Variants in EXOC1 observed in about 807,000 individuals in gnomAD.
EXOC1 encodes the protein SEC3-like 1.
A neutral mutation model predicts 107.7 loss-of-function variants in EXOC1; 67 were observed. The observed-to-expected ratio is 0.62, with a 90% CI of 0.51 to 0.76. The LOEUF is 0.76. Among genes scored for constraint, EXOC1 ranks in the 30% least tolerant of loss-of-function variants. The pLI is 0.00. For missense variants in EXOC1, 833 were observed against 1,055.7 expected, an observed-to-expected ratio of 0.79 and a Z score of 2.92; for synonymous variants, 348 against 353.5, an observed-to-expected ratio of 0.98 and a Z score of 0.17.
intron 9 of EXOC1, chr4:55,882,760 G>T (rs1181137734): frequency 6.6e-6 from 1 of 152,084 alleles, no homozygotes; most frequent in African/African-American, 2.4e-5. Flanking sequence ...CTTTTGGAAG[G>T]TATACCTGAT....
At chr4:55,871,997 A>G (rs1433843002) in intron 8 of EXOC1, 39 bp downstream of exon 8, 2 of 1,561,258 alleles carry the variant, frequency 1.3e-6, no homozygotes. Flanking sequence ...ATGTTCCTAT[A>G]GCTTATTTAT....
chr4:55,857,168 C>CTTTTTTTTT (rs71192052), intron 1 of EXOC1, among the ~76,000 whole-genome samples: 1,033 of 65,952 alleles, frequency 0.016, 55 homozygotes, highest in Non-Finnish European at 0.018. Context: ...TCCTTTTTTT[C>CTTTTTTTTT]TTTTTTTTTT....
intron 1 of EXOC1, among the ~76,000 whole-genome samples, chr4:55,854,239 A>C (rs1720745674): frequency 8.0e-6 from 1 of 124,414 alleles, no homozygotes. Context: ...TTCCTTGCAC[A>C]GTTATATCTT....
intron 8 of EXOC1, chr4:55,876,573 A>G: frequency 4.1e-6 from 4 of 984,062 alleles, no homozygotes; most frequent in Non-Finnish European, 4.8e-6. Context: ...AATTACAGAA[A>G]GGGATTATGG....
At chr4:55,881,969 G>A (rs1206353006) in intron 9 of EXOC1, among the ~76,000 whole-genome samples, 2 of 152,070 alleles carry the variant, frequency 1.3e-5, no homozygotes, top group East Asian at 1.9e-4. Context: ...TTGCTGTGAG[G>A]AAAGGCAGAT....
intron 15 of EXOC1, among the ~76,000 whole-genome samples, chr4:55,895,518 T>C (rs1463162469): frequency 1.3e-5 from 2 of 152,224 alleles, no homozygotes; most frequent in Non-Finnish European, 2.9e-5. Flanking sequence ...TCTTAGGGTT[T>C]TCTTATACTA....
In EXOC1 at chr4:55,854,703, A is replaced by G. The variant is rs1400516734; in HGVS notation, c.-11+750A>G. 2.0e-5 allele frequency among the ~76,000 whole-genome samples: 3 copies of G among 152,298 alleles called. No homozygotes were observed. The East Asian group carries it at 5.8e-4, about 29-fold the overall frequency. On this transcript the variant is annotated intron_variant, in intron 1 of 18. Transcript: ENST00000381295. ...CTAACTCCTTTATGAGGTATGCCCA[A>G]TCCTGTCTTGTTTTGCCTCTTACTG... is the stretch of plus-strand genomic sequence containing the variant.
intron 11 of EXOC1, 24 bp downstream of exon 11, chr4:55,888,956 A>T (rs1489788179): frequency 6.2e-7 from 1 of 1,610,764 alleles, no homozygotes; most frequent in Middle Eastern, 1.7e-4. Context: ...GTGTATTAGT[A>T]GGTATTCTCA....
At chr4:55,897,768 A>C (rs1057253654) in intron 16 of EXOC1, among the ~76,000 whole-genome samples, 1 of 152,134 alleles carries the variant, frequency 6.6e-6, no homozygotes, top group Non-Finnish European at 1.5e-5. Context: ...GGCAGGCATC[A>C]TCACGCCTGG....
In EXOC1 at chr4:55,893,682, C is replaced by T. The variant is rs1724845219; in HGVS notation, c.1855C>T (p.His619Tyr). Residue 619 changes from histidine (H) to tyrosine (Y), a missense_variant, in exon 15 of 19, where the codon CAT (histidine) becomes TAT (tyrosine). By Grantham distance (83) the His-to-Tyr change is moderately conservative. This residue lies in a region of EXOC1 where 216 missense variants were observed against 354.4 expected (regional missense o/e 0.61). Transcript: ENST00000381295. ...TTATATGTTAGTCAAAATGAGTCAT[C>T]ATGTGTGGACTGCACAAAATGTGGA... ...SLYMLVKMSHHVWTAQNVDPA... is the reference protein window; with the variant it reads ...SLYMLVKMSHYVWTAQNVDPA... The T allele has an allele frequency of 6.2e-7, 1 of 1,614,104 alleles. No homozygotes were observed. The highest frequency in any genetic ancestry group is 8.5e-7 in the Non-Finnish European group (1 of 1,179,992).
At chr4:55,871,464 A>C (rs147518647) in intron 7 of EXOC1, among the ~76,000 whole-genome samples, 283 of 152,208 alleles carry the variant, frequency 1.9e-3, no homozygotes, top group African/African-American at 6.0e-3. Flanking sequence ...CATGATCTTT[A>C]TTTAGTACTA....
At chr4:55,867,193 G>A (rs1022579079) in intron 4 of EXOC1, among the ~76,000 whole-genome samples, 5 of 152,174 alleles carry the variant, frequency 3.3e-5, no homozygotes, top group African/African-American at 1.2e-4. Flanking sequence ...TGTCACACAT[G>A]ACAGTTGAAC....
intron 10 of EXOC1, 49 bp from the exon 11 acceptor site, chr4:55,888,838 GT>G: frequency 6.2e-7 from 1 of 1,604,366 alleles, no homozygotes; most frequent in Middle Eastern, 1.7e-4. Flanking sequence ...GCAAATTGCA[GT>G]TTATTAACTT....
intron 8 of EXOC1, among the ~76,000 whole-genome samples, chr4:55,875,097 A>G (rs1335207030): frequency 6.6e-6 from 1 of 152,200 alleles, no homozygotes; most frequent in African/African-American, 2.4e-5. Context: ...GCACTGAACT[A>G]AAAGTACAAC....
chr4:55,873,280 CT>C (rs1722608635), intron 8 of EXOC1, among the ~76,000 whole-genome samples: 1 of 152,036 alleles, frequency 6.6e-6, no homozygotes, highest in Non-Finnish European at 1.5e-5. Context: ...GACCACCTAA[CT>C]AAAAGCACGG....
chr4:55,895,897 TAG>T (rs1336273497), intron 15 of EXOC1, among the ~76,000 whole-genome samples: 36 of 152,076 alleles, frequency 2.4e-4, no homozygotes, highest in African/African-American at 8.2e-4. Flanking sequence ...ACTCTGAAAA[TAG>T]AGAGTTTGTC....
Position 55,877,790 on chromosome 4 carries a change from ATTC to A in EXOC1, c.1075-124_1075-122del, listed in dbSNP as rs1227099532. On this transcript the variant is annotated intron_variant, in intron 8 of 18. Coordinates refer to ENST00000381295, the MANE Select transcript of EXOC1 (RefSeq NM_001024924.2). ...TTTGGTTTTTATTTTTCTGTGTTCT[ATTC>A]TTAATTATTTTTCTATGTCTTATTG... 3.7e-5 allele frequency: 55 copies of A among 1,468,950 alleles called. 1 individual carries two copies. The Middle Eastern group carries it at 9.9e-4, about 26-fold the overall frequency. The allele number at this position is 1,468,950 out of a possible 1,614,324, so 91.0% of individuals were successfully genotyped here.
chr4:55,873,518 T>G (rs552006734), intron 8 of EXOC1, among the ~76,000 whole-genome samples: 1 of 152,294 alleles, frequency 6.6e-6, no homozygotes, highest in African/African-American at 2.4e-5. Context: ...CAGTAAACAA[T>G]AGTCTTTTCT....
chr4:55,896,001 G>C (rs1215038992), intron 15 of EXOC1, among the ~76,000 whole-genome samples: 1 of 152,098 alleles, frequency 6.6e-6, no homozygotes, highest in African/African-American at 2.4e-5. Context: ...GTTACCCGGA[G>C]GGATCCTATA....
Sources: gnomAD v4.1 joint callset for allele counts (sites outside exome capture counted in the v4.1 genomes callset) on GRCh38, gnomAD v4.1.1 for gene constraint, gnomAD v4.1.1 regional missense constraint, MANE v1.5 for transcripts, NCBI Gene and HGNC (gene_info 2026-07-23, HGNC 2026-07-21) for gene names.